ARHGAP5: variants seen among roughly 807,000 people sequenced by gnomAD.
ARHGAP5 encodes the protein Rho GTPase activating protein 5, also known as rho GTPase-activating protein 5.
ARHGAP5 carries 23 observed loss-of-function variants against 116.6 expected under a neutral mutation model. The observed-to-expected ratio is 0.20, with a 90% CI of 0.14 to 0.28. The LOEUF (loss-of-function observed/expected upper bound fraction) is 0.28. Ranked by LOEUF, ARHGAP5 falls within the 10% of genes least tolerant of loss-of-function variation. The pLI is 1.00. For synonymous variants in ARHGAP5, 574 were observed against 602.0 expected (o/e 0.95, Z 0.68); for missense variants, 1,405 against 1,774.8 (o/e 0.79, Z 3.74).
chr14:32,152,495 A>G lies in ARHGAP5; in HGVS notation c.4148A>G (p.Asp1383Gly). ...AAGAAATTTCATCCTGTAAACTATGATGTATTCAGATACGTGATAACACAT... is the reference window on the plus strand; with the variant it reads ...AAGAAATTTCATCCTGTAAACTATGGTGTATTCAGATACGTGATAACACAT... ...IVKKFHPVNYDVFRYVITHLN... is the reference protein window; with the variant it reads ...IVKKFHPVNYGVFRYVITHLN... The change falls in exon 6 of 7, where the codon GAT becomes GGT. Residue 1383 changes from aspartate (D) to glycine (G), a missense_variant. By Grantham distance (94) the Asp-to-Gly change is moderately conservative (BLOSUM62 -1). Transcript: ENST00000345122. 1 of 1,602,836 alleles carries G rather than the reference A, an allele frequency of 6.2e-7. No homozygotes were observed. Among genetic ancestry groups the G allele is most frequent in the Non-Finnish European group, 8.5e-7 (1 of 1,175,580 alleles).
chr14:32,092,802 A>G lies in ARHGAP5; in HGVS notation c.2133A>G (p.Leu711=), dbSNP rs1878331976. ...ANQRDSISKN[L]PILRHQGQQL... ...AGAGAGATTCCATTAGTAAGAATCT[A>G]CCAATTCTCAGGCACCAAGGGCAGC... Residue 711 remains leucine (L), a synonymous_variant, in exon 2 of 7, where the codon CTA becomes CTG. Transcript: ENST00000345122. The surrounding 1 kb of genome is among the most constrained non-coding windows in gnomAD (Gnocchi z 4.1). 1 of 1,614,016 alleles carries G rather than the reference A, an allele frequency of 6.2e-7. No individual in the cohort carries two copies. The highest frequency in any genetic ancestry group is 8.5e-7 in the Non-Finnish European group (1 of 1,179,884).
chr14:32,091,973 A>G lies in ARHGAP5; in HGVS notation c.1304A>G (p.Lys435Arg), dbSNP rs1453562927. 1.2e-6 allele frequency: 2 copies of G among 1,613,708 alleles called. No homozygotes were observed. The highest frequency in any genetic ancestry group is 2.2e-5 in the South Asian group (2 of 91,074). Residue 435 changes from lysine to arginine, a missense_variant, in exon 2 of 7, where the codon AAA (lysine) becomes AGA (arginine). Around this residue, in one of 6 missense-constraint regions of ARHGAP5, gnomAD observed 944 missense variants for 1,095.3 expected, o/e 0.86. Transcript: ENST00000345122. ...AGGGTGGAAATGAAGGAAAAATTCAAAAAGACTTTGGAAAAAATTCAATTC... is the reference window on the plus strand; with the variant it reads ...AGGGTGGAAATGAAGGAAAAATTCAGAAAGACTTTGGAAAAAATTCAATTC... The part of the protein sequence containing the change: ...KRRVEMKEKF[K>R]KTLEKIQFIS...
chr14:32,096,637 C>A (rs1049503528), intron 2 of ARHGAP5, among the ~76,000 whole-genome samples: 4 of 152,122 alleles, frequency 2.6e-5, no homozygotes, highest in Non-Finnish European at 5.9e-5. Flanking sequence ...TTCAAATAAT[C>A]CTGTAAATAT....
intron 1 of ARHGAP5, among the ~76,000 whole-genome samples, chr14:32,079,730 A>C (rs1456186696): frequency 1.3e-5 from 2 of 152,208 alleles, no homozygotes; most frequent in African/African-American, 4.8e-5. Context: ...TTTAGTGGTC[A>C]CTTCTTAAAT....
intron 3 of ARHGAP5, among the ~76,000 whole-genome samples, chr14:32,118,476 G>A (rs1165215733): frequency 1.3e-5 from 2 of 151,662 alleles, no homozygotes; most frequent in Non-Finnish European, 2.9e-5. Flanking sequence ...CCAGCCTGGT[G>A]ACAGAGTGAG....
chr14:32,093,390 T>A lies in ARHGAP5; in HGVS notation c.2721T>A (p.Ile907=). 6.2e-7 allele frequency: 1 copy of A among 1,614,010 alleles called. No individual in the cohort carries two copies. The highest frequency in any genetic ancestry group is 8.5e-7 in the Non-Finnish European group (1 of 1,179,936). The change falls in exon 2 of 7, where the codon ATT becomes ATA. Residue 907 remains isoleucine, a synonymous_variant. Transcript: ENST00000345122. Reference sequence around the variant, plus strand: ...AGTTAATGACTGAAGGAGAACACATTGCAACTGAGATCACTGCTAAATTTA... The same window carrying A: ...AGTTAATGACTGAAGGAGAACACATAGCAACTGAGATCACTGCTAAATTTA... ...IKELMTEGEH[I]ATEITAKFTA...
chr14:32,141,276 G>A (rs779967648), intron 3 of ARHGAP5, among the ~76,000 whole-genome samples: 2 of 152,048 alleles, frequency 1.3e-5, no homozygotes, highest in African/African-American at 4.8e-5. Flanking sequence ...ACTAATCTCT[G>A]TCTTAATAGG....
Position 32,090,487 on chromosome 14 carries a change from C to T in ARHGAP5, c.-168-15C>T, listed in dbSNP as rs1878188868. On this transcript the variant is annotated splice_polypyrimidine_tract_variant and intron_variant, in intron 1 of 6. Coordinates refer to ENST00000345122, the MANE Select transcript of ARHGAP5 (RefSeq NM_001030055.2). ...TTTGTGATTAAGATTTGTTCTTTTT[C>T]TCCCCTCTCTATAGGAAGATGATCC... is the stretch of plus-strand genomic sequence containing the variant. 3.8e-6 allele frequency: 2 copies of T among 519,930 alleles called. No individual in the cohort carries two copies. The highest frequency in any genetic ancestry group is 3.7e-5 in the South Asian group (1 of 27,002). The allele number at this position is 519,930 out of a possible 1,614,324, so 32.2% of individuals were successfully genotyped here.
In ARHGAP5 at chr14:32,158,934, A is replaced by G. The variant is rs980019426; in HGVS notation, c.*3986A>G. On this transcript the variant is annotated 3_prime_UTR_variant, in exon 7 of 7. Coordinates refer to ENST00000345122, the MANE Select transcript of ARHGAP5 (RefSeq NM_001030055.2). ...TAACTTTGGGAGTCTTCACTATTCA[A>G]TTGATCCTCATCATTGTCCTATTTG... is the stretch of plus-strand genomic sequence containing the variant. 4.6e-5 allele frequency: 7 copies of G among 152,020 alleles called. No homozygotes were observed. Among genetic ancestry groups the G allele is most frequent in the South Asian group, 4.1e-4 (2 of 4,832 alleles). 9.4% of individuals were successfully genotyped at this position (152,020 alleles called of 1,614,324 possible).
intron 1 of ARHGAP5, among the ~76,000 whole-genome samples, chr14:32,079,933 C>T (rs571993272): frequency 2.3e-4 from 35 of 152,158 alleles, no homozygotes; most frequent in African/African-American, 8.2e-4. Flanking sequence ...TTAGTGATGT[C>T]TATGTTCCTA....
chr14:32,078,354 A>G (rs1389423415), intron 1 of ARHGAP5: 1 of 152,198 alleles, frequency 6.6e-6, no homozygotes, highest in Non-Finnish European at 1.5e-5. Flanking sequence ...TGTAGGGGAG[A>G]CGCTTATACT....
At chr14:32,148,459 G>A (rs1414518942) in intron 4 of ARHGAP5, among the ~76,000 whole-genome samples, 1 of 152,102 alleles carries the variant, frequency 6.6e-6, no homozygotes, top group African/African-American at 2.4e-5. Flanking sequence ...AGGATGATGG[G>A]ATAATGCATA....
In ARHGAP5 at chr14:32,092,493, A is replaced by C. The variant is rs1475964754; in HGVS notation, c.1824A>C (p.Gln608His). The C allele has an allele frequency of 6.2e-7, 1 of 1,614,070 alleles. No individual in the cohort carries two copies. The highest frequency in any genetic ancestry group is 1.7e-5 in the Admixed American group (1 of 60,020). Residue 608 changes from glutamine (Q) to histidine (H), a missense_variant, in exon 2 of 7, where the codon CAA becomes CAC. By Grantham distance (24) the Gln-to-His change is conservative (BLOSUM62 0). Transcript: ENST00000345122. This position sits in a 1 kb window ranked among gnomAD's most constrained non-coding sequence, Gnocchi z 4.1. The part of the protein sequence containing the change: ...LFILGKDGLA[Q>H]ELANEIRTQS... ...TTTTAGGGAAGGATGGCCTTGCCCA[A>C]GAACTAGCAAATGAGATAAGGACAC...
intron 3 of ARHGAP5, among the ~76,000 whole-genome samples, chr14:32,128,664 C>T (rs1005352364): frequency 3.9e-5 from 6 of 152,254 alleles, no homozygotes; most frequent in East Asian, 1.9e-4. Context: ...TGCTCCATCC[C>T]GCTGCCCTGA....
At chr14:32,084,749 A>G (rs2041812142) in intron 1 of ARHGAP5, among the ~76,000 whole-genome samples, 2 of 152,226 alleles carry the variant, frequency 1.3e-5, no homozygotes, top group Non-Finnish European at 2.9e-5. Context: ...CATTTCACAT[A>G]CAAATTGTGT....
At position 32,146,357 on chromosome 14, in the gene ARHGAP5, G is replaced by T. The variant is rs760700717; in HGVS notation, c.3943+17G>T. Reference sequence around the variant, plus strand: ...TTGATCAAGGTAAGAAGATGATTATGTGAAATAAAAATTGTTGTTTTATGT... The same window carrying T: ...TTGATCAAGGTAAGAAGATGATTATTTGAAATAAAAATTGTTGTTTTATGT... On this transcript the variant is annotated intron_variant, in intron 4 of 6. Coordinates refer to ENST00000345122, the MANE Select transcript of ARHGAP5 (RefSeq NM_001030055.2). 1 of 1,571,474 alleles carries T rather than the reference G, an allele frequency of 6.4e-7. No homozygotes were observed. The highest frequency in any genetic ancestry group is 2.2e-5 in the East Asian group (1 of 44,634).
chr14:32,081,614 A>G (rs2041775514), intron 1 of ARHGAP5, among the ~76,000 whole-genome samples: 1 of 151,708 alleles, frequency 6.6e-6, no homozygotes, highest in Non-Finnish European at 1.5e-5. Flanking sequence ...CCAGAGTGAA[A>G]GATTTGGAGA....
At chr14:32,095,192 T>C (rs557942064) in intron 2 of ARHGAP5, among the ~76,000 whole-genome samples, 1 of 152,226 alleles carries the variant, frequency 6.6e-6, no homozygotes, top group East Asian at 1.9e-4. Flanking sequence ...TCTTGTAAAT[T>C]ATCAATATTT....
chr14:32,144,210 G>A (rs1000360981), intron 3 of ARHGAP5, among the ~76,000 whole-genome samples: 24 of 152,248 alleles, frequency 1.6e-4, no homozygotes, highest in Admixed American at 1.6e-3. Flanking sequence ...TATACATGGA[G>A]TAATAAGAAT....
Sources: allele counts gnomAD v4.1 joint callset (sites outside exome capture counted in the v4.1 genomes callset), GRCh38; gene constraint gnomAD v4.1.1; regional missense constraint gnomAD v4.1.1; non-coding constraint Gnocchi (gnomAD v3.1); transcripts MANE v1.5; gene names NCBI Gene and HGNC (gene_info 2026-07-23, HGNC 2026-07-21).